The following RARB variants were observed in gnomAD, a reference collection of about 807,000 sequenced individuals.
RARB encodes HBV-activated protein.
RARB carries 17 observed loss-of-function variants against 51.9 expected under a neutral mutation model. The ratio of observed to expected loss-of-function variants is 0.33; its 90% CI spans 0.22 to 0.49. The LOEUF (loss-of-function observed/expected upper bound fraction) is 0.49. Among genes scored for constraint, RARB ranks in the 20% least tolerant of loss-of-function variants. RARB has a pLI of 0.99. For missense variants in RARB, 369 were observed against 550.8 expected (o/e 0.67, Z 3.30); for synonymous variants, 215 against 195.4 (o/e 1.10, Z -0.84).
intron 5 of RARB, among the ~76,000 whole-genome samples, chr3:25,221,309 C>G (rs139028298): frequency 2.0e-5 from 3 of 150,126 alleles, no homozygotes; most frequent in Non-Finnish European, 4.4e-5. Context: ...TCTGTCCTTA[C>G]GCTATGTGCT....
At chr3:24,908,587 G>T (rs1054902435) in intron 2 of RARB, among the ~76,000 whole-genome samples, 1 of 149,662 alleles carries the variant, frequency 6.7e-6, no homozygotes, top group Non-Finnish European at 1.5e-5. Flanking sequence ...TCAACTTGAG[G>T]ATAGAAAGTA....
At position 25,276,604 on chromosome 3, in the gene RARB, TGAAA is replaced by T. The variant is rs751707595; in HGVS notation, c.178+102039_178+102042del. Among the ~76,000 whole-genome samples the T allele has an allele frequency of 9.2e-5, 14 of 152,314 alleles. 1 individual carries two copies. Among genetic ancestry groups the T allele is most frequent in the South Asian group, 2.1e-4 (1 of 4,826 alleles). ...CATCAACTGTGACTTGTAAAAGTTTTGAAAGAAAGAAAGGATGTTAAAAGACATT... is the reference window on the plus strand; with the variant it reads ...CATCAACTGTGACTTGTAAAAGTTTTGAAAGAAAGGATGTTAAAAGACATT... On this transcript the variant is annotated intron_variant, in intron 5 of 11. Coordinates refer to the RARB transcript ENST00000383772.
intron 5 of RARB, among the ~76,000 whole-genome samples, 154 bp downstream of exon 5, chr3:25,580,876 C>T (rs1447964059): frequency 2.6e-5 from 4 of 152,162 alleles, no homozygotes; most frequent in African/African-American, 9.7e-5. Context: ...CTCACCTAGC[C>T]TCTGGCTCCT....
chr3:24,846,192 T>A (rs1025123044), intron 1 of RARB, among the ~76,000 whole-genome samples: 3 of 152,220 alleles, frequency 2.0e-5, no homozygotes, highest in Non-Finnish European at 4.4e-5. Context: ...GCCTGCTGGG[T>A]GATCTTAGGC....
chr3:25,491,291 C>T (rs1696723681), intron 2 of RARB, among the ~76,000 whole-genome samples: 1 of 151,996 alleles, frequency 6.6e-6, no homozygotes, highest in East Asian at 1.9e-4. Context: ...ACCCCCAAGT[C>T]CCTTTTACAC....
chr3:24,839,494 G>A (rs1432969815), intron 1 of RARB, among the ~76,000 whole-genome samples: 1 of 150,596 alleles, frequency 6.6e-6, no homozygotes. Context: ...GAACCCAGGA[G>A]TTCGAGACCA....
Position 25,092,616 on chromosome 3 carries a change from A to C in RARB, c.-328+32440A>C, listed in dbSNP as rs12330821. 9.0e-3 allele frequency among the ~76,000 whole-genome samples: 1,366 copies of C among 152,322 alleles called. 16 individuals carry two copies. The highest frequency in any genetic ancestry group is 0.057 in the South Asian group (277 of 4,822). On this transcript the variant is annotated intron_variant, in intron 3 of 11. Transcript: ENST00000383772. ...GAATTTGTAATCTTTGATTCAAATT[A>C]CATGTTTGCTCTTTTTTTTCCAGAA...
At chr3:25,452,427 A>AGT (rs66502831) in intron 1 of RARB, among the ~76,000 whole-genome samples, 98,809 of 151,902 alleles carry the variant, frequency 0.65, 33,246 homozygotes, top group African/African-American at 0.83. Context: ...TACAACACAG[A>AGT]GTGATTAGTG....
intron 2 of RARB, among the ~76,000 whole-genome samples, chr3:25,494,589 G>GTGT (rs1491528409): frequency 6.6e-6 from 1 of 152,146 alleles, no homozygotes; most frequent in Non-Finnish European, 1.5e-5. Context: ...ATCTTACATA[G>GTGT]TGTTCACTTG....
At chr3:24,884,208 C>T (rs1437254909) in intron 2 of RARB, among the ~76,000 whole-genome samples, 3 of 152,300 alleles carry the variant, frequency 2.0e-5, no homozygotes, top group African/African-American at 2.4e-5. Context: ...AATGTTAATG[C>T]CAGTGTCCTG....
At chr3:25,108,626 A>G (rs546925547) in intron 3 of RARB, among the ~76,000 whole-genome samples, 1 of 152,310 alleles carries the variant, frequency 6.6e-6, no homozygotes, top group African/African-American at 2.4e-5. Flanking sequence ...TGTCCAGGGA[A>G]AAAAGAATGG....
intron 2 of RARB, among the ~76,000 whole-genome samples, chr3:24,859,926 TCC>T (rs1290300890): frequency 6.6e-6 from 1 of 152,156 alleles, no homozygotes; most frequent in Non-Finnish European, 1.5e-5. Context: ...AAATATATTT[TCC>T]TTGCAATTTC....
At chr3:25,176,358 C>CTTTCTTTCT (rs1700750668) in intron 5 of RARB, among the ~76,000 whole-genome samples, 3 of 57,236 alleles carry the variant, frequency 5.2e-5, no homozygotes, top group South Asian at 5.8e-4. Flanking sequence ...TCCTTCCTTC[C>CTTTCTTTCT]TTCCTTCCTT....
chr3:24,933,033 T>A (rs1575078394), intron 2 of RARB, among the ~76,000 whole-genome samples: 1 of 152,092 alleles, frequency 6.6e-6, no homozygotes, highest in Non-Finnish European at 1.5e-5. Context: ...TAACCCAGAT[T>A]TGTGACATTT....
intron 2 of RARB, among the ~76,000 whole-genome samples, chr3:24,926,434 T>G (rs79906988): frequency 0.039 from 5,892 of 152,098 alleles, 233 homozygotes; most frequent in East Asian, 0.18. Flanking sequence ...CAAGTTCAAT[T>G]GAAGAGAGAT....
chr3:25,072,003 G>T (rs903904254), intron 3 of RARB, among the ~76,000 whole-genome samples: 8 of 152,188 alleles, frequency 5.3e-5, no homozygotes, highest in African/African-American at 1.9e-4. Context: ...GAGAATCCAC[G>T]TGAGGCATAG....
intron 2 of RARB, among the ~76,000 whole-genome samples, chr3:24,947,657 C>G (rs1393420806): frequency 6.6e-6 from 1 of 152,164 alleles, no homozygotes; most frequent in African/African-American, 2.4e-5. Flanking sequence ...TCCATCCACT[C>G]TGGTATGGTA....
intron 4 of RARB, among the ~76,000 whole-genome samples, chr3:25,161,065 T>A (rs1053516418): frequency 3.3e-5 from 5 of 151,976 alleles, no homozygotes; most frequent in Non-Finnish European, 7.4e-5. Context: ...CAGGCTAGAG[T>A]GCAGTGGCCC....
chr3:25,208,106 C>T lies in RARB; in HGVS notation c.178+33531C>T, dbSNP rs78318371. ...TCACTCATTATTGCAAGGACAGTGC[C>T]GAGGGGATGGTGCTAAACCATTCAT... On this transcript the variant is annotated intron_variant, in intron 5 of 11. Coordinates refer to the RARB transcript ENST00000383772. Among the ~76,000 whole-genome samples the T allele has an allele frequency of 5.5e-3, 831 of 152,120 alleles. 9 individuals are homozygous for T. The highest frequency in any genetic ancestry group is 0.017 in the Middle Eastern group (5 of 294).
Sources: gnomAD v4.1 joint callset for allele counts (sites outside exome capture counted in the v4.1 genomes callset) on GRCh38, gnomAD v4.1.1 for gene constraint, MANE v1.5 for transcripts, NCBI Gene and HGNC (gene_info 2026-07-23, HGNC 2026-07-21) for gene names.